ERBB4: variants seen among roughly 807,000 people sequenced by gnomAD.
ERBB4 encodes the protein receptor tyrosine-protein kinase erbB-4.
In ERBB4, 42 loss-of-function variants were observed where a neutral mutation model predicts 158.0. The ratio of observed to expected loss-of-function variants is 0.27; its 90% CI spans 0.21 to 0.34. The LOEUF is 0.34. Among genes scored for constraint, ERBB4 ranks in the 10% least tolerant of loss-of-function variants. ERBB4 has a pLI of 1.00. For missense variants in ERBB4, 1,333 were observed against 1,624.1 expected, an observed-to-expected ratio of 0.82 and a Z score of 3.08; for synonymous variants, 583 against 558.7, an observed-to-expected ratio of 1.04 and a Z score of -0.61.
intron 20 of ERBB4, among the ~76,000 whole-genome samples, chr2:211,472,361 AG>A: frequency 6.7e-6 from 1 of 150,360 alleles, no homozygotes; most frequent in Non-Finnish European, 1.5e-5. Context: ...AAGTCAAATT[AG>A]TGATTAACAT....
At chr2:211,676,252 G>A (rs370772979) in intron 13 of ERBB4, among the ~76,000 whole-genome samples, 166 of 152,252 alleles carry the variant, frequency 1.1e-3, no homozygotes, top group African/African-American at 3.7e-3. Flanking sequence ...TACAAGATAC[G>A]TAAGTTGATC....
At chr2:212,514,760 G>A (rs1181107824) in intron 1 of ERBB4, among the ~76,000 whole-genome samples, 3 of 152,060 alleles carry the variant, frequency 2.0e-5, no homozygotes, top group Non-Finnish European at 2.9e-5. Flanking sequence ...AGCAGAGATC[G>A]CACCACTGTA....
chr2:211,665,185 C>A lies in ERBB4; in HGVS notation c.1871+138G>T, dbSNP rs181463838. On this transcript the variant is annotated intron_variant, in intron 15 of 27. Coordinates refer to ENST00000342788, the MANE Select transcript of ERBB4 (RefSeq NM_005235.3). ...TCCATAAATCATTCTCTCAGTATTTCTCTTAAAATCAGCATTTTAAATATA... is the reference window on the plus strand; with the variant it reads ...TCCATAAATCATTCTCTCAGTATTTATCTTAAAATCAGCATTTTAAATATA... 7.1e-4 allele frequency: 632 copies of A among 888,126 alleles called. 1 individual carries two copies. Among genetic ancestry groups the A allele is most frequent in the Middle Eastern group, 2.1e-3 (7 of 3,376 alleles). The allele number at this position is 888,126 out of a possible 1,614,324, so 55.0% of individuals were successfully genotyped here.
chr2:212,192,840 C>T lies in ERBB4; in HGVS notation c.83-67937G>A, dbSNP rs370852948. Among the ~76,000 whole-genome samples, 16 of 137,446 alleles carry T rather than the reference C, an allele frequency of 1.2e-4. No homozygotes were observed. In the South Asian group the frequency reaches 3.1e-3, roughly 27 times the overall value. 90.2% of individuals were successfully genotyped at this position (137,446 alleles called of 152,430 possible). ...AAGTTTGCCCAGTTACACTGAGGAC[C>T]GATCAATAGTGTGATTTGCTATCCA... On this transcript the variant is annotated intron_variant, in intron 1 of 27. Coordinates refer to ENST00000342788, the MANE Select transcript of ERBB4 (RefSeq NM_005235.3).
At chr2:211,564,043 CTTTCA>C (rs1385173533) in intron 19 of ERBB4, among the ~76,000 whole-genome samples, 2 of 152,084 alleles carry the variant, frequency 1.3e-5, no homozygotes, top group African/African-American at 4.8e-5. Context: ...AATTACTTCC[CTTTCA>C]TTTCAACTTC....
chr2:212,015,099 TATATATATATATA>T lies in ERBB4; in HGVS notation c.235-67496_235-67484del, dbSNP rs1559321098. On this transcript the variant is annotated intron_variant, in intron 2 of 27. Transcript: ENST00000342788. ...ATATATATATATATATATATATATA[TATATATATATATA>T]AAAATTAGCCGGGCATGGTGGCGGG... is the stretch of plus-strand genomic sequence containing the variant. Among the ~76,000 whole-genome samples the T allele has an allele frequency of 8.1e-5, 6 of 74,378 alleles. 1 individual carries two copies. The highest frequency in any genetic ancestry group is 1.2e-4 in the African/African-American group (2 of 16,274). The allele number at this position is 74,378 out of a possible 152,430, so 48.8% of individuals were successfully genotyped here.
intron 20 of ERBB4, among the ~76,000 whole-genome samples, chr2:211,521,355 T>A (rs2066180462): frequency 6.6e-6 from 1 of 152,164 alleles, no homozygotes; most frequent in Non-Finnish European, 1.5e-5. Flanking sequence ...AGCATTCATC[T>A]AGACCAAAGC....
At position 212,521,157 on chromosome 2, in the gene ERBB4, T is replaced by A. The variant is rs114629446; in HGVS notation, c.82+17292A>T. Among the ~76,000 whole-genome samples the A allele has an allele frequency of 5.7e-3, 866 of 152,042 alleles. 4 individuals are homozygous for A. The highest frequency in any genetic ancestry group is 0.02 in the African/African-American group (820 of 41,526). The stretch of plus-strand genomic sequence containing the variant: ...AAATGTAACATAAAAAGTTATCTCA[T>A]GAATTTGATTAAAAACCATTTTCTC... On this transcript the variant is annotated intron_variant, in intron 1 of 27. Coordinates refer to ENST00000342788, the MANE Select transcript of ERBB4 (RefSeq NM_005235.3).
chr2:211,808,286 C>G (rs1489647983), intron 3 of ERBB4, among the ~76,000 whole-genome samples: 6 of 152,148 alleles, frequency 3.9e-5, no homozygotes, highest in Non-Finnish European at 7.3e-5. Flanking sequence ...TTTAATCCAT[C>G]TTGAATTAAT....
At chr2:211,675,209 T>C (rs11893474) in intron 13 of ERBB4, among the ~76,000 whole-genome samples, 16,568 of 53,164 alleles carry the variant, frequency 0.31, 962 homozygotes, top group South Asian at 0.42. Flanking sequence ...GAGCTTTGGA[T>C]AGGGAGCTTT....
At chr2:212,507,223 A>AG (rs1426990794) in intron 1 of ERBB4, among the ~76,000 whole-genome samples, 3 of 152,096 alleles carry the variant, frequency 2.0e-5, no homozygotes, top group African/African-American at 7.2e-5. Context: ...AAAAAAAAAA[A>AG]GATTCCTTTC....
intron 19 of ERBB4, among the ~76,000 whole-genome samples, chr2:211,594,065 C>T (rs10203022): frequency 0.75 from 114,307 of 151,926 alleles, 45,762 homozygotes; most frequent in Non-Finnish European, 0.88. Context: ...TCTCCAATAA[C>T]ATTTTGCACA....
intron 25 of ERBB4, among the ~76,000 whole-genome samples, chr2:211,389,372 T>C (rs1250132715): frequency 6.6e-6 from 1 of 152,180 alleles, no homozygotes; most frequent in Non-Finnish European, 1.5e-5. Flanking sequence ...GTTCATATGA[T>C]TTAGATTCAT....
intron 2 of ERBB4, among the ~76,000 whole-genome samples, chr2:212,014,840 A>C (rs1347395622): frequency 1.3e-5 from 2 of 151,506 alleles, no homozygotes; most frequent in African/African-American, 4.9e-5. Context: ...AATATTGTTT[A>C]CTTGTGCACC....
intron 1 of ERBB4, among the ~76,000 whole-genome samples, chr2:212,258,808 T>C (rs545864192): frequency 2.6e-4 from 39 of 151,880 alleles, no homozygotes; most frequent in Non-Finnish European, 4.6e-4. Flanking sequence ...AACTCATGAG[T>C]TGGCATATAT....
intron 15 of ERBB4, 39 bp from the exon 16 acceptor site, chr2:211,657,867 C>T (rs371336381): frequency 1.5e-5 from 24 of 1,607,388 alleles, no homozygotes; most frequent in Non-Finnish European, 2.0e-5. Context: ...CATTCTCCAT[C>T]CACAGTGACA....
intron 1 of ERBB4, among the ~76,000 whole-genome samples, chr2:212,271,726 A>G (rs1039365418): frequency 6.6e-6 from 1 of 151,692 alleles, no homozygotes; most frequent in Non-Finnish European, 1.5e-5. Flanking sequence ...TTATCTCACA[A>G]ATATGAACTC....
chr2:211,809,292 G>T (rs989931031), intron 3 of ERBB4, among the ~76,000 whole-genome samples: 2 of 152,178 alleles, frequency 1.3e-5, no homozygotes, highest in African/African-American at 4.8e-5. Context: ...ACCTCTGGTA[G>T]AATTTGTCTG....
At chr2:211,556,273 C>G (rs993788275) in intron 20 of ERBB4, among the ~76,000 whole-genome samples, 11 of 152,188 alleles carry the variant, frequency 7.2e-5, no homozygotes, top group Admixed American at 5.9e-4. Context: ...CACAGGAGCA[C>G]TTAGATTCAT....
Sources: allele counts gnomAD v4.1 joint callset (sites outside exome capture counted in the v4.1 genomes callset), GRCh38; gene constraint gnomAD v4.1.1; transcripts MANE v1.5; gene names NCBI Gene and HGNC (gene_info 2026-07-23, HGNC 2026-07-21).